The following RAD54B variants were observed in gnomAD, a reference collection of about 807,000 sequenced individuals.
RAD54B encodes RAD54 homolog B, also known as DNA repair and recombination protein RAD54B.
A neutral mutation model predicts 95.8 loss-of-function variants in RAD54B; 78 were observed. The observed-to-expected ratio is 0.81, with a 90% CI of 0.68 to 0.98. RAD54B has a LOEUF of 0.98. Among genes scored for constraint, RAD54B ranks in the 50% least tolerant of loss-of-function variants. The pLI, the probability that RAD54B is intolerant of heterozygous loss-of-function variation, is 0.00. For missense variants in RAD54B, 957 were observed against 1,056.6 expected (o/e 0.91, Z 1.31); for synonymous variants, 328 against 354.9 (o/e 0.92, Z 0.85).
Position 94,387,075 on chromosome 8 carries a change from T to C in RAD54B, c.1894A>G (p.Asn632Asp), listed in dbSNP as rs761603651. ...TCCTTTTCAGTAAACAGGAGAGGGTTGTAGTCAGCAGGAAACACACTTAGC... is the reference window on the plus strand; with the variant it reads ...TCCTTTTCAGTAAACAGGAGAGGGTCGTAGTCAGCAGGAAACACACTTAGC... ...GLLSVFPADY[N>D]PLLFTEKESG... is the part of the protein sequence containing the mutation. The change falls in exon 11 of 15, where the codon AAC (asparagine) becomes GAC (aspartate). Residue 632 changes from asparagine to aspartate, a missense_variant. Transcript: ENST00000336148. 8.7e-6 allele frequency: 14 copies of C among 1,613,578 alleles called. No homozygotes were observed. Among genetic ancestry groups the C allele is most frequent in the Non-Finnish European group, 1.2e-5 (14 of 1,179,596 alleles).
At position 94,378,366 on chromosome 8, in the gene RAD54B, TTTC is replaced by T. The variant is rs1563633799; in HGVS notation, c.2326_2328del (p.Glu776del). 1 of 1,613,066 alleles carries T rather than the reference TTTC, an allele frequency of 6.2e-7. No homozygotes were observed. The highest frequency in any genetic ancestry group is 8.5e-7 in the Non-Finnish European group (1 of 1,179,466). On this transcript the variant is annotated inframe_deletion, in exon 14 of 15. Transcript: ENST00000336148. ...TTACTGATCTGCCTTTGATAGATCTTTTCTTCTATTGTACCTAAAGAGAAAACA... is the reference window on the plus strand; with the variant it reads ...TTACTGATCTGCCTTTGATAGATCTTTTCTATTGTACCTAAAGAGAAAACA...
intron 3 of RAD54B, among the ~76,000 whole-genome samples, chr8:94,445,133 T>G (rs1812489787): frequency 6.6e-6 from 1 of 152,120 alleles, no homozygotes; most frequent in African/African-American, 2.4e-5. Context: ...AGATTTGGTG[T>G]CTGGTAAGGG....
At position 94,380,207 on chromosome 8, in the gene RAD54B, G is replaced by C. The variant is rs1454740066; in HGVS notation, c.2185C>G (p.Leu729Val). 2 of 1,613,248 alleles carry C rather than the reference G, an allele frequency of 1.2e-6. No homozygotes were observed. The highest frequency in any genetic ancestry group is 3.3e-4 in the Middle Eastern group (2 of 6,056). Residue 729 changes from leucine (L) to valine (V), a missense_variant, in exon 12 of 15, where the codon CTC becomes GTC. Transcript: ENST00000336148. The stretch of plus-strand genomic sequence containing the variant: ...AGAATTAAGTGAGATCCTCCAATGA[G>C]GTTAAGTCCTACACCACCAGCTTTT... Reference protein sequence around the residue: ...SSKAGGVGLNLIGGSHLILYD... With the variant: ...SSKAGGVGLNVIGGSHLILYD...
rs1221057666 is a variant in RAD54B, at chr8:94,416,079, C to T, written c.305-4764G>A. Among the ~76,000 whole-genome samples the T allele has an allele frequency of 4.0e-5, 6 of 148,948 alleles. No homozygotes were observed. In the East Asian group the frequency reaches 5.9e-4, roughly 15 times the overall value. On this transcript the variant is annotated intron_variant, in intron 3 of 14. Transcript: ENST00000336148. ...GACACATGCACACGTATGTTTATTGCGGCACTATTCACAATAGCAAAGACT... is the reference window on the plus strand; with the variant it reads ...GACACATGCACACGTATGTTTATTGTGGCACTATTCACAATAGCAAAGACT...
intron 3 of RAD54B, among the ~76,000 whole-genome samples, chr8:94,449,345 C>T (rs7829493): frequency 6.6e-6 from 1 of 152,012 alleles, no homozygotes; most frequent in African/African-American, 2.4e-5. Flanking sequence ...CAGTGGCTCA[C>T]GCCTGTAATC....
At chr8:94,403,036 G>A (rs1298735715) in intron 6 of RAD54B, among the ~76,000 whole-genome samples, 1 of 152,120 alleles carries the variant, frequency 6.6e-6, no homozygotes, top group East Asian at 1.9e-4. Context: ...GATTTGGGAG[G>A]AAATATGAGT....
intron 11 of RAD54B, 118 bp downstream of exon 11, chr8:94,386,866 C>T (rs1465290226): frequency 1.4e-6 from 1 of 732,124 alleles, no homozygotes; most frequent in African/African-American, 1.8e-5. Flanking sequence ...ACCATATTCC[C>T]AAAGAAGAAA....
At chr8:94,372,684 A>C (rs1810469848) in intron 14 of RAD54B, among the ~76,000 whole-genome samples, 1 of 152,206 alleles carries the variant, frequency 6.6e-6, no homozygotes, top group Non-Finnish European at 1.5e-5. Context: ...ATGTATTACA[A>C]ATTCAAAATC....
intron 3 of RAD54B, among the ~76,000 whole-genome samples, chr8:94,420,251 ATTTTTTTTT>A (rs57897762): frequency 8.5e-6 from 1 of 117,034 alleles, no homozygotes; most frequent in Non-Finnish European, 1.7e-5. Context: ...AGAAAACTTG[ATTTTTTTTT>A]TTTTTTTTTT....
chr8:94,468,513 T>C (rs773768796), intron 1 of RAD54B, among the ~76,000 whole-genome samples: 3 of 145,784 alleles, frequency 2.1e-5, no homozygotes, highest in Non-Finnish European at 3.0e-5. Flanking sequence ...GCTTCGTCTC[T>C]ATTAAAAATT....
chr8:94,443,062 A>T (rs1206862283), intron 3 of RAD54B, among the ~76,000 whole-genome samples: 1 of 152,184 alleles, frequency 6.6e-6, no homozygotes, highest in Non-Finnish European at 1.5e-5. Context: ...AACTCTCAAA[A>T]CTGAGTTCTG....
chr8:94,464,007 G>A (rs1382918624), intron 2 of RAD54B, among the ~76,000 whole-genome samples: 1 of 151,998 alleles, frequency 6.6e-6, no homozygotes, highest in Non-Finnish European at 1.5e-5. Context: ...GCTAAAAAGT[G>A]GAAACAACCC....
chr8:94,391,645 C>G lies in RAD54B; in HGVS notation c.1773G>C (p.Leu591=), dbSNP rs1811023637. The change falls in exon 10 of 15, where the codon CTG becomes CTC. Residue 591 remains leucine (L), a synonymous_variant. Transcript: ENST00000336148. The part of the protein sequence containing the change: ...HLICIGALKK[L]CNHPCLLFNS... The stretch of plus-strand genomic sequence containing the variant: ...TGAACAAAAGGCAGGGGTGATTGCA[C>G]AGTTTTTTAAGAGCTCCTATACATA... 3 of 1,613,716 alleles carry G rather than the reference C, an allele frequency of 1.9e-6. No individual in the cohort carries two copies. The highest frequency in any genetic ancestry group is 2.2e-5 in the South Asian group (2 of 91,028).
chr8:94,427,596 CATCT>C (rs1811973990), intron 3 of RAD54B: 3 of 440,004 alleles, frequency 6.8e-6, no homozygotes, highest in Non-Finnish European at 9.0e-6. Context: ...GTACATTGGC[CATCT>C]ATTATAACAT....
intron 3 of RAD54B, among the ~76,000 whole-genome samples, chr8:94,439,091 C>CAAAAAAAGA (rs1347797640): frequency 6.7e-6 from 1 of 148,742 alleles, no homozygotes; most frequent in African/African-American, 2.5e-5. Context: ...GACCCTGCCT[C>CAAAAAAAGA]AAAAAAAGAA....
At chr8:94,381,914 C>A (rs1282678046) in intron 11 of RAD54B, among the ~76,000 whole-genome samples, 1 of 152,014 alleles carries the variant, frequency 6.6e-6, no homozygotes, top group African/African-American at 2.4e-5. Flanking sequence ...AAGATAGAGA[C>A]CATCCTGGCT....
chr8:94,391,478 A>T, intron 10 of RAD54B, 131 bp downstream of exon 10: 1 of 882,480 alleles, frequency 1.1e-6, no homozygotes, highest in Non-Finnish European at 1.7e-6. Context: ...GCAGAACCAT[A>T]CTAGATAGCC....
intron 1 of RAD54B, among the ~76,000 whole-genome samples, chr8:94,472,006 T>A (rs1813182331): frequency 6.6e-6 from 1 of 152,144 alleles, no homozygotes; most frequent in African/African-American, 2.4e-5. Context: ...GTTAGACATT[T>A]CCCAATTTCA....
chr8:94,421,405 T>G (rs1411174597), intron 3 of RAD54B, among the ~76,000 whole-genome samples: 1 of 152,188 alleles, frequency 6.6e-6, no homozygotes, highest in African/African-American at 2.4e-5. Flanking sequence ...AACTGACTTC[T>G]AGGCCCTGTT....
Sources: gnomAD v4.1 joint callset for allele counts (sites outside exome capture counted in the v4.1 genomes callset) on GRCh38, gnomAD v4.1.1 for gene constraint, MANE v1.5 for transcripts, NCBI Gene and HGNC (gene_info 2026-07-23, HGNC 2026-07-21) for gene names.